Variants in USP18 observed in about 807,000 individuals in gnomAD.
The protein encoded by USP18 is ubl carboxyl-terminal hydrolase 18.
In USP18, 11 loss-of-function variants were observed where a neutral mutation model predicts 48.7. The observed-to-expected ratio is 0.23, with a 90% confidence interval of 0.14 to 0.37. USP18 has a LOEUF of 0.37. Among genes scored for constraint, USP18 ranks in the 10% least tolerant of loss-of-function variants. USP18 has a pLI of 1.00. For missense variants in USP18, 285 were observed against 436.4 expected (o/e 0.65, Z 3.09); for synonymous variants, 114 against 163.2 (o/e 0.70, Z 2.30).
At chr22:18,157,369 A>T (rs1380375249) in intron 1 of USP18, among the ~76,000 whole-genome samples, 189 bp from the exon 2 acceptor site, 3 of 152,334 alleles carry the variant, frequency 2.0e-5, no homozygotes, top group Non-Finnish European at 4.4e-5. Flanking sequence ...TCTGAGGATG[A>T]ATGGAAACGC....
intron 1 of USP18, among the ~76,000 whole-genome samples, chr22:18,154,206 ACT>A (rs1929069346): frequency 6.6e-6 from 1 of 151,566 alleles, no homozygotes; most frequent in African/African-American, 2.4e-5. Context: ...TTTATTCCTC[ACT>A]CTGAGCAGCA....
chr22:18,158,303 C>T (rs1929227639), intron 2 of USP18, among the ~76,000 whole-genome samples: 1 of 152,046 alleles, frequency 6.6e-6, no homozygotes, highest in Non-Finnish European at 1.5e-5. Context: ...AACAAACAAA[C>T]AAATGGGGGT....
intron 3 of USP18, among the ~76,000 whole-genome samples, chr22:18,160,732 T>A (rs1366141691): frequency 6.6e-6 from 1 of 151,906 alleles, no homozygotes; most frequent in African/African-American, 2.4e-5. Context: ...CTAAAACTTC[T>A]TAGGTTGGTC....
intron 4 of USP18, among the ~76,000 whole-genome samples, chr22:18,164,774 G>A (rs1046641522): frequency 2.0e-5 from 3 of 152,154 alleles, no homozygotes; most frequent in Non-Finnish European, 4.4e-5. Context: ...ATTCATAACT[G>A]CTGACCCATG....
intron 1 of USP18, among the ~76,000 whole-genome samples, chr22:18,155,557 C>A (rs573560068): frequency 6.6e-6 from 1 of 152,170 alleles, no homozygotes; most frequent in African/African-American, 2.4e-5. Context: ...GGGCTGCACG[C>A]GGTGCTTGTG....
intron 8 of USP18, among the ~76,000 whole-genome samples, chr22:18,172,128 G>C (rs2123741685): frequency 6.6e-6 from 1 of 152,264 alleles, no homozygotes; most frequent in East Asian, 1.9e-4. Flanking sequence ...CTTTGTTATG[G>C]AACATTACAA....
chr22:18,168,151 A>T, intron 6 of USP18, 115 bp downstream of exon 6: 2 of 1,499,938 alleles, frequency 1.3e-6, no homozygotes, highest in Non-Finnish European at 1.8e-6. Context: ...GAGGCTGGGA[A>T]GTCAAGGTTG....
intron 3 of USP18, among the ~76,000 whole-genome samples, chr22:18,161,061 C>T (rs139493571): frequency 6.6e-5 from 10 of 152,090 alleles, no homozygotes; most frequent in East Asian, 1.9e-4. Context: ...TGAGCCACTG[C>T]GCCCGGCCAG....
In USP18 at chr22:18,167,899, C is replaced by A. The variant is rs1373795016; in HGVS notation, c.490C>A (p.Leu164Met). The A allele has an allele frequency of 6.2e-7, 1 of 1,613,864 alleles. No homozygotes were observed. Among genetic ancestry groups the A allele is most frequent in the Non-Finnish European group, 8.5e-7 (1 of 1,179,920 alleles). ...GCTCTCCCTCTTGCAGGTGGAGAGA[C>A]TGCAGGCCCTGTATACGATCCGGGT... The part of the protein sequence containing the change: ...QITDVHLVER[L>M]QALYTIRVKD... Residue 164 changes from leucine to methionine, a missense_variant, in exon 6 of 11, where the codon CTG becomes ATG. Transcript: ENST00000215794.
In USP18 at chr22:18,157,751, A is replaced by G. The variant is rs1384051387; in HGVS notation, c.88A>G (p.Lys30Glu). The G allele has an allele frequency of 2.5e-6, 4 of 1,614,010 alleles. No individual in the cohort carries two copies. Among genetic ancestry groups the G allele is most frequent in the Non-Finnish European group, 3.4e-6 (4 of 1,180,030 alleles). ...GTCCCCGGCAGATCTTGAAGAAAAGAAGGAAGAAGACAGCAACATGAAGAG... is the reference window on the plus strand; with the variant it reads ...GTCCCCGGCAGATCTTGAAGAAAAGGAGGAAGAAGACAGCAACATGAAGAG... The part of the protein sequence containing the change: ...SQSPADLEEK[K>E]EEDSNMKREQ... The change falls in exon 2 of 11, where the codon AAG (lysine) becomes GAG (glutamate). Residue 30 changes from lysine to glutamate, a missense_variant. Physicochemically the swap from Lys to Glu is moderately conservative, Grantham distance 56. Coordinates refer to ENST00000215794, the MANE Select transcript of USP18 (RefSeq NM_017414.4).
Position 18,157,858 on chromosome 22 carries a change from A to C in USP18, c.157+38A>C, listed in dbSNP as rs778401712. ...CTCCCGTTTTCCTCTTCTTGACTGC[A>C]TGTAAATGTTCGGCTCACCCCCTCC... On this transcript the variant is annotated intron_variant, in intron 2 of 10. Transcript: ENST00000215794. 6.8e-6 allele frequency: 11 copies of C among 1,611,642 alleles called. No homozygotes were observed. The South Asian group carries it at 9.9e-5, about 15-fold the overall frequency.
chr22:18,173,432 C>T (rs896241261), intron 9 of USP18, 151 bp downstream of exon 9: 81 of 1,148,836 alleles, frequency 7.1e-5, no homozygotes, highest in East Asian at 5.4e-4. Flanking sequence ...AAGCCTTTTT[C>T]GGTCTGAAGT....
At chr22:18,159,929 G>A (rs1382828603) in intron 2 of USP18, among the ~76,000 whole-genome samples, 2 of 151,822 alleles carry the variant, frequency 1.3e-5, no homozygotes, top group African/African-American at 4.8e-5. Flanking sequence ...TGCCCGCCTC[G>A]GCCTCCCAAA....
chr22:18,151,693 C>T (rs1929003730), intron 1 of USP18, among the ~76,000 whole-genome samples: 1 of 151,928 alleles, frequency 6.6e-6, no homozygotes, highest in Non-Finnish European at 1.5e-5. Flanking sequence ...CAAAATTTCC[C>T]TATTATGTGG....
At chr22:18,153,632 A>T (rs998274441) in intron 1 of USP18, among the ~76,000 whole-genome samples, 1 of 152,058 alleles carries the variant, frequency 6.6e-6, no homozygotes, top group Non-Finnish European at 1.5e-5. Context: ...TTTTTATTTT[A>T]TTTAGGCAAC....
intron 4 of USP18, among the ~76,000 whole-genome samples, chr22:18,164,280 T>C (rs1929412438): frequency 6.6e-6 from 1 of 151,660 alleles, no homozygotes; most frequent in Admixed American, 6.6e-5. Context: ...GACAAACTCC[T>C]TCTAGGGAGA....
chr22:18,160,399 G>A (rs2543716), intron 3 of USP18, 131 bp downstream of exon 3: 231,664 of 1,032,802 alleles, frequency 0.22, 32,968 homozygotes, highest in East Asian at 0.6. Flanking sequence ...TCTGCCTCCC[G>A]GGTTCAAGCG....
Position 18,154,353 on chromosome 22 carries a change from G to C in USP18, c.-106-3205G>C, listed in dbSNP as rs1929072962. Among the ~76,000 whole-genome samples, 4 of 152,100 alleles carry C rather than the reference G, an allele frequency of 2.6e-5. No homozygotes were observed. The South Asian group carries it at 8.3e-4, about 32-fold the overall frequency. ...AATATAACAGTAATTAATTCACATG[G>C]CTGTGTAAGGATAAATAAGACAGTA... On this transcript the variant is annotated intron_variant, in intron 1 of 10. Transcript: ENST00000215794.
chr22:18,150,544 C>A (rs1292032376), intron 1 of USP18, among the ~76,000 whole-genome samples: 1 of 152,184 alleles, frequency 6.6e-6, no homozygotes, highest in Non-Finnish European at 1.5e-5. Context: ...TTGTTTGTAC[C>A]TTATCAGAAA....
Sources: allele counts gnomAD v4.1 joint callset (sites outside exome capture counted in the v4.1 genomes callset), GRCh38; gene constraint gnomAD v4.1.1; transcripts MANE v1.5; gene names NCBI Gene and HGNC (gene_info 2026-07-23, HGNC 2026-07-21).